The following TLE6 variants were observed in gnomAD, a reference collection of about 807,000 sequenced individuals.
TLE6 encodes the protein transducin-like enhancer protein 6.
In TLE6, 72 loss-of-function variants were observed where a neutral mutation model predicts 77.1. That is an observed-to-expected ratio of 0.93 (90% CI 0.77 to 1.14). The LOEUF (loss-of-function observed/expected upper bound fraction) is 1.14, where lower values mean the gene tolerates loss of function less well. TLE6 is among the 50% of genes most tolerant of loss of function. TLE6 has a pLI of 0.00. For synonymous variants in TLE6, 366 were observed against 287.3 expected (o/e 1.27, Z -2.77); for missense variants, 843 against 747.6 (o/e 1.13, Z -1.49).
intron 5 of TLE6, among the ~76,000 whole-genome samples, chr19:2,986,036 T>C (rs987816907): frequency 2.2e-4 from 26 of 115,744 alleles, no homozygotes; most frequent in African/African-American, 8.9e-4. Flanking sequence ...ATCACATCAC[T>C]GCACTCCTGC....
chr19:2,991,395 T>TATATACAC (rs1555686268), intron 13 of TLE6, among the ~76,000 whole-genome samples: 226 of 114,120 alleles, frequency 2.0e-3, no homozygotes, highest in East Asian at 0.013. Context: ...TATATATATA[T>TATATACAC]ACACACACAC....
intron 2 of TLE6, among the ~76,000 whole-genome samples, chr19:2,979,650 AATAAG>A (rs1355509596): frequency 6.6e-6 from 1 of 151,964 alleles, no homozygotes; most frequent in African/African-American, 2.4e-5. Flanking sequence ...TCTTTACTGA[AATAAG>A]AGAGGCCGGG....
At chr19:2,979,964 CA>C (rs58993753) in intron 2 of TLE6, 135 bp from the exon 3 acceptor site, 34,668 of 363,206 alleles carry the variant, frequency 0.095, 97 homozygotes, top group East Asian at 0.13. Context: ...ACTCGGTTTC[CA>C]AAAAAAAAAA....
chr19:2,979,644 T>C (rs1408912964), intron 2 of TLE6, among the ~76,000 whole-genome samples: 2 of 152,008 alleles, frequency 1.3e-5, no homozygotes, highest in Non-Finnish European at 2.9e-5. Context: ...AGATGCTCTT[T>C]ACTGAAATAA....
At position 2,987,258 on chromosome 19, in the gene TLE6, AG is replaced by A. The variant is rs768289251; in HGVS notation, c.541+25del. The A allele has an allele frequency of 1.9e-6, 3 of 1,613,998 alleles. No homozygotes were observed. The highest frequency in any genetic ancestry group is 2.5e-6 in the Non-Finnish European group (3 of 1,179,944). ...ACAGACGTGAGTGTCCCTGAGGGTG[AG>A]GGGGAAGGGGCAGCCACAGGCTGCG... is the stretch of plus-strand genomic sequence containing the variant. On this transcript the variant is annotated intron_variant, in intron 7 of 16. Transcript: ENST00000246112.
chr19:2,991,230 A>G (rs913359181), intron 13 of TLE6, among the ~76,000 whole-genome samples: 5 of 150,858 alleles, frequency 3.3e-5, no homozygotes, highest in Non-Finnish European at 7.4e-5. Flanking sequence ...GTGGTGGCCC[A>G]TGCCTGTAAT....
In TLE6 at chr19:2,988,977, G is replaced by A. The variant is rs547356706; in HGVS notation, c.741-84G>A. 9 of 1,548,060 alleles carry A rather than the reference G, an allele frequency of 5.8e-6. No homozygotes were observed. The African/African-American group carries it at 9.7e-5, about 17-fold the overall frequency. ...AGGGACCCCAAAATCTGAAAAAGAA[G>A]CCCCTCTAGGCCTTGATGTGTGGCT... On this transcript the variant is annotated intron_variant, in intron 11 of 16. Coordinates refer to ENST00000246112, the MANE Select transcript of TLE6 (RefSeq NM_001143986.2).
chr19:2,995,079 A>ATGGTGG lies in TLE6; in HGVS notation c.*76_*81dup. ...CTTCCCCCCCCCCAACAAGGGGGAC[A>ATGGTGG]TGGTGGAGGGAAGCGGGAAGGCTCT... On this transcript the variant is annotated 3_prime_UTR_variant, in exon 17 of 17. Transcript: ENST00000246112. 1 of 931,560 alleles carries ATGGTGG rather than the reference A, an allele frequency of 1.1e-6. No homozygotes were observed. Among genetic ancestry groups the ATGGTGG allele is most frequent in the Non-Finnish European group, 1.7e-6 (1 of 605,826 alleles). 57.7% of individuals were successfully genotyped at this position (931,560 alleles called of 1,614,324 possible).
intron 3 of TLE6, 144 bp from the exon 4 acceptor site, chr19:2,981,391 ACTT>A: frequency 2.8e-6 from 2 of 710,424 alleles, no homozygotes; most frequent in Non-Finnish European, 4.7e-6. Flanking sequence ...ATCTTACTGA[ACTT>A]CTTGACACTG....
chr19:2,982,251 A>G (rs1387311491), intron 5 of TLE6, 62 bp downstream of exon 5: 39 of 1,535,676 alleles, frequency 2.5e-5, no homozygotes, highest in South Asian at 4.8e-5. Context: ...GAAAGCACAG[A>G]GGGGGGCCGG....
intron 2 of TLE6, 70 bp from the exon 3 acceptor site, chr19:2,980,030 A>G: frequency 2.7e-6 from 3 of 1,098,808 alleles, no homozygotes; most frequent in South Asian, 1.3e-5. Context: ...TGCCATGTTG[A>G]GGTGGAGACC....
At chr19:2,991,721 C>T in intron 13 of TLE6, 122 bp from the exon 14 acceptor site, 1 of 907,654 alleles carries the variant, frequency 1.1e-6, no homozygotes, top group East Asian at 2.6e-5. Flanking sequence ...ACACTCTGTG[C>T]AGGCAGAGAT....
chr19:2,979,188 GT>G (rs961860278), intron 2 of TLE6, among the ~76,000 whole-genome samples: 1 of 151,890 alleles, frequency 6.6e-6, no homozygotes, highest in African/African-American at 2.4e-5. Flanking sequence ...TCCTGACCTC[GT>G]GATCTGCCTG....
intron 2 of TLE6, among the ~76,000 whole-genome samples, 168 bp downstream of exon 2, chr19:2,978,452 A>T (rs191974540): frequency 4.6e-5 from 7 of 152,220 alleles, no homozygotes; most frequent in South Asian, 4.1e-4. Flanking sequence ...GTGTTTTTTA[A>T]AAAAAATTAA....
chr19:2,985,711 A>G (rs916094855), intron 5 of TLE6, among the ~76,000 whole-genome samples: 3 of 143,614 alleles, frequency 2.1e-5, no homozygotes, highest in Non-Finnish European at 4.5e-5. Context: ...GAGCCACCGC[A>G]CCCGGCCTGC....
chr19:2,989,133 C>A lies in TLE6; in HGVS notation c.813C>A (p.Leu271=), dbSNP rs139697821. The stretch of plus-strand genomic sequence containing the variant: ...CCTTGCCCGGGCAGTCAAAGAGACT[C>A]GCCGTCCCGTGCAAACTGGAAAAGA... ...PDALPGQSKR[L]AVPCKLEKMR... Residue 271 remains leucine, a synonymous_variant, in exon 12 of 17, where the codon CTC becomes CTA. Transcript: ENST00000246112. The A allele has an allele frequency of 1.2e-6, 2 of 1,614,018 alleles. No homozygotes were observed. The highest frequency in any genetic ancestry group is 2.7e-5 in the African/African-American group (2 of 74,940).
At position 2,989,600 on chromosome 19, in the gene TLE6, C is replaced by G. The variant is rs1368562899; in HGVS notation, c.1059C>G (p.Gly353=). ...ACAGCAGGAGCCTGCTCACCGGTGGCTACAACCTGGCCAGCGTGAGCGTGT... is the reference window on the plus strand; with the variant it reads ...ACAGCAGGAGCCTGCTCACCGGTGGGTACAACCTGGCCAGCGTGAGCGTGT... ...SSNSRSLLTG[G]YNLASVSVWD... Residue 353 remains glycine (G), a synonymous_variant, in exon 13 of 17, where the codon GGC becomes GGG. Transcript: ENST00000246112. 2 of 1,613,914 alleles carry G rather than the reference C, an allele frequency of 1.2e-6. No homozygotes were observed. The highest frequency in any genetic ancestry group is 1.7e-6 in the Non-Finnish European group (2 of 1,180,012).
chr19:2,988,083 G>A lies in TLE6; in HGVS notation c.703-8G>A, dbSNP rs773984565. ...GCTGGGGGCAGCTGTGATCTCCCCCGCCTGCAGGAGCCTCCTGGAAGAGCC... is the reference window on the plus strand; with the variant it reads ...GCTGGGGGCAGCTGTGATCTCCCCCACCTGCAGGAGCCTCCTGGAAGAGCC... On this transcript the variant is annotated splice_region_variant and splice_polypyrimidine_tract_variant and intron_variant, in intron 10 of 16. Transcript: ENST00000246112. The A allele has an allele frequency of 1.5e-5, 24 of 1,552,502 alleles. 2 individuals are homozygous for A. The highest frequency in any genetic ancestry group is 1.5e-4 in the East Asian group (6 of 40,950).
chr19:2,989,298 C>T lies in TLE6; in HGVS notation c.978C>T (p.Ser326=), dbSNP rs1170434775. 2.2e-5 allele frequency: 36 copies of T among 1,613,044 alleles called. No homozygotes were observed. Among genetic ancestry groups the T allele is most frequent in the Non-Finnish European group, 2.8e-5 (33 of 1,180,040 alleles). The change falls in exon 12 of 17, where the codon AGC becomes AGT. Residue 326 remains serine (S), a synonymous_variant. Coordinates refer to ENST00000246112, the MANE Select transcript of TLE6 (RefSeq NM_001143986.2). Reference sequence around the variant, plus strand: ...TGGCTGAGGACAGGTTCCCTGAGAGCCACCTGCCTATACAGGTGAGGACGG... The same window carrying T: ...TGGCTGAGGACAGGTTCCCTGAGAGTCACCTGCCTATACAGGTGAGGACGG... The part of the protein sequence containing the change: ...GQVAEDRFPE[S]HLPIQTPGAF...
Sources: gnomAD v4.1 joint callset for allele counts (sites outside exome capture counted in the v4.1 genomes callset) on GRCh38, gnomAD v4.1.1 for gene constraint, MANE v1.5 for transcripts, NCBI Gene and HGNC (gene_info 2026-07-23, HGNC 2026-07-21) for gene names.